Variants in ANKRD30BL observed in about 807,000 individuals in gnomAD.
ANKRD30BL encodes putative ankyrin repeat domain-containing protein 30B-like.
ANKRD30BL carries 20 observed loss-of-function variants against 18.4 expected under a neutral mutation model. The observed-to-expected ratio is 1.09, with a 90% confidence interval of 0.77 to 1.58. ANKRD30BL has a LOEUF of 1.58. ANKRD30BL is among the 40% of genes most tolerant of loss of function. The probability of loss-of-function intolerance (pLI) is 0.00; values close to 1 mark genes in which losing one functional copy is unlikely to be tolerated. For missense variants in ANKRD30BL, 224 were observed against 268.6 expected, an observed-to-expected ratio of 0.83 and a Z score of 1.16; for synonymous variants, 72 against 100.9, an observed-to-expected ratio of 0.71 and a Z score of 1.72.
At chr2:132,160,357 G>A (rs1425835063) in intron 1 of ANKRD30BL, among the ~76,000 whole-genome samples, 1 of 147,568 alleles carries the variant, frequency 6.8e-6, no homozygotes, top group African/African-American at 2.5e-5. Context: ...CGCCTTGGCC[G>A]CCCGAAGTGC....
upstream of ANKRD30BL, among the ~76,000 whole-genome samples, chr2:132,164,257 C>G (rs944541065): frequency 1.8e-5 from 2 of 113,254 alleles, no homozygotes; most frequent in Non-Finnish European, 3.5e-5. Context: ...TTCTTTGTTT[C>G]TTTTTCTTTT....
chr2:132,185,678 C>G (rs1191437166), intron 1 of ANKRD30BL, among the ~76,000 whole-genome samples: 1 of 152,112 alleles, frequency 6.6e-6, no homozygotes, highest in African/African-American at 2.4e-5. Flanking sequence ...CTGTCCAGGT[C>G]TCTGTAACAT....
At chr2:132,225,794 T>C (rs1272881952) in intron 1 of ANKRD30BL, among the ~76,000 whole-genome samples, 1 of 152,082 alleles carries the variant, frequency 6.6e-6, no homozygotes. Context: ...AAGTGGACAG[T>C]TGGAGTGCTT....
intron 1 of ANKRD30BL, among the ~76,000 whole-genome samples, chr2:132,232,298 G>A (rs1339923243): frequency 1.3e-5 from 2 of 152,180 alleles, no homozygotes; most frequent in African/African-American, 4.8e-5. Flanking sequence ...CCAAAGGAAC[G>A]CAGTTCCTCA....
chr2:132,199,657 C>A (rs935959430), intron 1 of ANKRD30BL, among the ~76,000 whole-genome samples: 5 of 152,034 alleles, frequency 3.3e-5, no homozygotes, highest in Non-Finnish European at 7.4e-5. Context: ...CAGGCATCCA[C>A]CACCACAGAC....
At chr2:132,252,123 AT>A (rs112219459) in intron 1 of ANKRD30BL, among the ~76,000 whole-genome samples, 16,469 of 151,744 alleles carry the variant, frequency 0.11, 2,946 homozygotes, top group African/African-American at 0.37. Context: ...TTAAAACTGT[AT>A]TTTTTTTTAC....
In ANKRD30BL at chr2:132,233,872, A is replaced by G. The variant is rs1478762913; in HGVS notation, n.441+23657T>C. 7.9e-5 allele frequency among the ~76,000 whole-genome samples: 12 copies of G among 152,050 alleles called. No homozygotes were observed. The East Asian group carries it at 1.7e-3, about 22-fold the overall frequency. On this transcript the variant is annotated intron_variant and non_coding_transcript_variant, in intron 1 of 4. Coordinates refer to the ANKRD30BL transcript ENST00000470729. ...CTACAGAACTCTCCACCCCAAATCA[A>G]CAGAATATACATTTTTTTCAACACC... is the stretch of plus-strand genomic sequence containing the variant.
At chr2:132,171,190 G>C (rs1469348565) in intron 1 of ANKRD30BL, among the ~76,000 whole-genome samples, 2 of 151,192 alleles carry the variant, frequency 1.3e-5, no homozygotes, top group African/African-American at 4.9e-5. Context: ...GGAGATTATT[G>C]ACATGAAAAT....
intron 1 of ANKRD30BL, among the ~76,000 whole-genome samples, chr2:132,176,392 G>A (rs1272226878): frequency 6.6e-6 from 1 of 152,100 alleles, no homozygotes; most frequent in Admixed American, 6.5e-5. Flanking sequence ...GCCAGGCATG[G>A]TGGCACATGC....
chr2:132,200,682 G>A (rs1679080437), intron 1 of ANKRD30BL, among the ~76,000 whole-genome samples: 1 of 152,158 alleles, frequency 6.6e-6, no homozygotes, highest in Admixed American at 6.5e-5. Context: ...ATGCTCATGG[G>A]TAGGAAGAAT....
intron 1 of ANKRD30BL, among the ~76,000 whole-genome samples, chr2:132,196,979 T>C (rs1180498413): frequency 6.6e-6 from 1 of 152,208 alleles, no homozygotes; most frequent in Non-Finnish European, 1.5e-5. Flanking sequence ...ACATGTATGA[T>C]AGGAGTTTCA....
chr2:132,162,747 C>T (rs1308347942), upstream of ANKRD30BL, among the ~76,000 whole-genome samples: 1 of 152,278 alleles, frequency 6.6e-6, no homozygotes, highest in Non-Finnish European at 1.5e-5. Flanking sequence ...CCACTCTAGG[C>T]CCTGCTCTTC....
intron 1 of ANKRD30BL, among the ~76,000 whole-genome samples, chr2:132,179,381 C>G (rs1484470186): frequency 2.0e-5 from 3 of 151,424 alleles, no homozygotes; most frequent in Non-Finnish European, 2.9e-5. Context: ...CTCCACCTCC[C>G]AGTTTCAAGT....
intron 1 of ANKRD30BL, among the ~76,000 whole-genome samples, chr2:132,222,785 T>C (rs1265356322): frequency 8.0e-6 from 1 of 125,124 alleles, no homozygotes; most frequent in Non-Finnish European, 1.6e-5. Flanking sequence ...TATTGTCCTA[T>C]GACCCTGCCA....
intron 1 of ANKRD30BL, among the ~76,000 whole-genome samples, chr2:132,207,888 G>A (rs4055995): frequency 6.6e-6 from 1 of 152,132 alleles, no homozygotes; most frequent in South Asian, 2.1e-4. Context: ...GTTGTAGTTA[G>A]TATGATACTA....
chr2:132,204,089 G>A (rs1009387659), intron 1 of ANKRD30BL, among the ~76,000 whole-genome samples: 2 of 152,218 alleles, frequency 1.3e-5, no homozygotes, highest in African/African-American at 4.8e-5. Context: ...AAGATATAAA[G>A]ATCTCAGCCT....
chr2:132,216,828 T>G (rs1485437432), intron 1 of ANKRD30BL, among the ~76,000 whole-genome samples: 2 of 152,028 alleles, frequency 1.3e-5, no homozygotes, highest in Admixed American at 1.3e-4. Context: ...GTTGAACCTT[T>G]CTTTTGATAG....
intron 1 of ANKRD30BL, among the ~76,000 whole-genome samples, chr2:132,209,421 C>G (rs796880014): frequency 6.6e-6 from 1 of 150,896 alleles, no homozygotes; most frequent in East Asian, 2.0e-4. Context: ...CTGAACATTT[C>G]TTTTGATTGA....
intron 1 of ANKRD30BL, among the ~76,000 whole-genome samples, chr2:132,242,304 T>C (rs1242091825): frequency 1.3e-5 from 2 of 151,780 alleles, no homozygotes; most frequent in African/African-American, 4.8e-5. Flanking sequence ...TCAAACACTC[T>C]TTTTTTAGAA....
Sources: allele counts gnomAD v4.1 joint callset (sites outside exome capture counted in the v4.1 genomes callset), GRCh38; gene constraint gnomAD v4.1.1; transcripts MANE v1.5; gene names NCBI Gene and HGNC (gene_info 2026-07-23, HGNC 2026-07-21).